APOB: variants seen among roughly 807,000 people sequenced by gnomAD.
The protein encoded by APOB is apolipoprotein B.
Under a neutral mutation model 314.1 loss-of-function variants are expected in APOB, and 153 were observed. The ratio of observed to expected loss-of-function variants is 0.49; its 90% CI spans 0.43 to 0.56. APOB has a LOEUF of 0.56. APOB is among the 20% of genes least tolerant of loss of function. The pLI is 0.00. For synonymous variants in APOB, 2,087 were observed against 2,036.4 expected, an observed-to-expected ratio of 1.02 and a Z score of -0.67; for missense variants, 5,430 against 5,350.7, an observed-to-expected ratio of 1.01 and a Z score of -0.46.
At position 21,004,541 on chromosome 2, in the gene APOB, A is replaced by G. The variant is rs1280735862; in HGVS notation, c.11903+20T>C. The G allele has an allele frequency of 1.2e-6, 2 of 1,612,836 alleles. No individual in the cohort carries two copies. The highest frequency in any genetic ancestry group is 1.7e-6 in the Non-Finnish European group (2 of 1,178,862). ...AGTTTTCAAAAGGTATAAGGTTTCA[A>G]TTCAATAAAAGCTCCATACTGAAGT... On this transcript the variant is annotated intron_variant, in intron 27 of 28. Transcript: ENST00000233242.
rs1282841880 is a variant in APOB at position 21,009,784 on chromosome 2, C to A, written c.7084G>T (p.Val2362Leu). ...QQIQVLMDKL[V>L]ELAHQYKLKE... ...AACTTGTATTGGTGGGCCAACTCTACTAATTTATCCATTAAAACCTGGATT... is the reference window on the plus strand; with the variant it reads ...AACTTGTATTGGTGGGCCAACTCTAATAATTTATCCATTAAAACCTGGATT... The change falls in exon 26 of 29, where the codon GTA becomes TTA. Residue 2362 changes from valine (V) to leucine (L), a missense_variant. Val to Leu is a conservative substitution (Grantham distance 32, BLOSUM62 1). Around this residue, in one of 3 missense-constraint regions of APOB, gnomAD observed 3,281 missense variants for 3,171.0 expected, o/e 1.03. Transcript: ENST00000233242. 6.2e-7 allele frequency: 1 copy of A among 1,613,878 alleles called. No individual in the cohort carries two copies. The highest frequency in any genetic ancestry group is 1.3e-5 in the African/African-American group (1 of 74,912).
At chr2:21,016,938 G>A (rs369018694) in intron 20 of APOB, among the ~76,000 whole-genome samples, 2 of 150,626 alleles carry the variant, frequency 1.3e-5, no homozygotes, top group Non-Finnish European at 2.9e-5. Flanking sequence ...GAGCCGAGAT[G>A]GCACCACTGC....
intron 18 of APOB, among the ~76,000 whole-genome samples, chr2:21,021,359 TC>T (rs1663601939): frequency 6.6e-6 from 1 of 152,234 alleles, no homozygotes; most frequent in African/African-American, 2.4e-5. Flanking sequence ...CAGGCCATTA[TC>T]AGCTCTTAGC....
intron 8 of APOB, 79 bp downstream of exon 8, chr2:21,034,736 CA>C: frequency 2.4e-6 from 2 of 836,606 alleles, no homozygotes; most frequent in Non-Finnish European, 4.3e-6. Context: ...AGACATTTAA[CA>C]GGGCTCAGCA....
At chr2:21,015,571 C>T (rs1663445880) in intron 21 of APOB, 26 bp from the exon 22 acceptor site, 1 of 1,607,626 alleles carries the variant, frequency 6.2e-7, no homozygotes, top group Non-Finnish European at 8.5e-7. Flanking sequence ...TCAGTTGGCA[C>T]CAATGATTTT....
Position 21,002,980 on chromosome 2 carries a change from C to T in APOB, c.12442G>A (p.Ala4148Thr), listed in dbSNP as rs1558559251. 6.3e-7 allele frequency: 1 copy of T among 1,593,922 alleles called. No homozygotes were observed. The highest frequency in any genetic ancestry group is 8.6e-7 in the Non-Finnish European group (1 of 1,168,630). The change falls in exon 29 of 29, where the codon GCC (alanine) becomes ACC (threonine). Residue 4148 changes from alanine to threonine, a missense_variant. Transcript: ENST00000233242. The stretch of plus-strand genomic sequence containing the variant: ...AACAGTTCCTGGTACAGATTCTGGG[C>T]CTTGTCCTTCCACTCTTGGTAGGTC... ...TGTYQEWKDK[A>T]QNLYQELLTQ...
chr2:21,027,004 C>A (rs1663746417), intron 14 of APOB, 40 bp from the exon 15 acceptor site: 1 of 1,604,704 alleles, frequency 6.2e-7, no homozygotes, highest in African/African-American at 1.3e-5. Context: ...CATCAGGTTT[C>A]TTTGTTGTAT....
Position 21,008,929 on chromosome 2 carries a change from T to G in APOB, c.7939A>C (p.Thr2647Pro), listed in dbSNP as rs748143305. 17 of 1,614,092 alleles carry G rather than the reference T, an allele frequency of 1.1e-5. No homozygotes were observed. The Middle Eastern group carries it at 4.9e-4, about 47-fold the overall frequency. The part of the protein sequence containing the change: ...KNIKIPSRFS[T>P]PEFTILNTFH... ...GTGTTAAGGATGGTAAATTCTGGTG[T>G]GGAAAACCTGGATGGGATTTTTATA... Residue 2647 changes from threonine (T) to proline (P), a missense_variant, in exon 26 of 29, where the codon ACA (threonine) becomes CCA (proline). Coordinates refer to ENST00000233242, the MANE Select transcript of APOB (RefSeq NM_000384.3).
In APOB at chr2:21,003,238, C is replaced by A; in HGVS notation, c.12184G>T (p.Ala4062Ser). Reference sequence around the variant, plus strand: ...AGAGAGGTTAGCAAGCCAGAAGCTGCCTCTTCTTCCCAATTAACTTTGATC... The same window carrying A: ...AGAGAGGTTAGCAAGCCAGAAGCTGACTCTTCTTCCCAATTAACTTTGATC... ...TQIKVNWEEE[A>S]ASGLLTSLKD... Residue 4062 changes from alanine (A) to serine (S), a missense_variant, in exon 29 of 29, where the codon GCA becomes TCA. Ala to Ser is a moderately conservative substitution (Grantham distance 99, BLOSUM62 1). Coordinates refer to ENST00000233242, the MANE Select transcript of APOB (RefSeq NM_000384.3). 6.2e-7 allele frequency: 1 copy of A among 1,613,968 alleles called. No homozygotes were observed. The highest frequency in any genetic ancestry group is 1.3e-5 in the African/African-American group (1 of 75,002).
chr2:21,009,903 A>C lies in APOB; in HGVS notation c.6965T>G (p.Ile2322Arg), dbSNP rs1558563854. 28 of 1,613,914 alleles carry C rather than the reference A, an allele frequency of 1.7e-5. No individual in the cohort carries two copies. In the East Asian group the frequency reaches 6.0e-4, roughly 35 times the overall value. The change falls in exon 26 of 29, where the codon ATA becomes AGA. Residue 2322 changes from isoleucine (I) to arginine (R), a missense_variant. Ile to Arg is a moderately conservative substitution (Grantham distance 97, BLOSUM62 -3). Around this residue, in one of 3 missense-constraint regions of APOB, gnomAD observed 3,281 missense variants for 3,171.0 expected, o/e 1.03. Transcript: ENST00000233242. ...DILEHVKHFV[I>R]NLIGDFEVAE... ...TACTTCAAAATCCCCAATAAGATTT[A>C]TAACAAAGTGTTTGACATGCTCAAG...
chr2:21,002,428 C>A lies in APOB; in HGVS notation c.12994G>T (p.Glu4332Ter), dbSNP rs1300424460. The change falls in exon 29 of 29, where the codon GAG becomes TAG. Residue 4332 changes from glutamate (E) to a stop codon, truncating the protein, a stop_gained. Transcript: ENST00000233242. LOFTEE classifies it low-confidence loss of function (END_TRUNC). Reference sequence around the variant, plus strand: ...TAATCACTGAAGATTGTGTTGATCTCATCTTGGATATAATTAATAAGATAA... The same window carrying A: ...TAATCACTGAAGATTGTGTTGATCTAATCTTGGATATAATTAATAAGATAA... ...FTYLINYIQD[E>*]INTIFSDYIP... 1 of 1,601,272 alleles carries A rather than the reference C, an allele frequency of 6.2e-7. No homozygotes were observed. Among genetic ancestry groups the A allele is most frequent in the African/African-American group, 1.3e-5 (1 of 74,324 alleles).
intron 16 of APOB, chr2:21,023,989 T>G (rs1266196583): frequency 4.1e-6 from 1 of 244,316 alleles, no homozygotes; most frequent in Non-Finnish European, 7.9e-6. Flanking sequence ...AAGTATCATA[T>G]ATGCCATGGC....
At chr2:21,022,212 T>TAA (rs1183468223) in intron 18 of APOB, among the ~76,000 whole-genome samples, 1 of 152,134 alleles carries the variant, frequency 6.6e-6, no homozygotes, top group Non-Finnish European at 1.5e-5. Flanking sequence ...AAGCGATCCA[T>TAA]CCACCTGGGG....
chr2:21,003,345 AG>A lies in APOB; in HGVS notation c.12088-12del. 2 of 1,606,010 alleles carry A rather than the reference AG, an allele frequency of 1.2e-6. No individual in the cohort carries two copies. ...TTTATCTGGAGAGGACTAAACAGAG[AG>A]AAAAAAAAAAATAACATGTTTTCAA... On this transcript the variant is annotated splice_polypyrimidine_tract_variant and intron_variant, in intron 28 of 28. Coordinates refer to ENST00000233242, the MANE Select transcript of APOB (RefSeq NM_000384.3).
In APOB at chr2:21,007,195, C is replaced by T. The variant is rs1406989883; in HGVS notation, c.9673G>A (p.Glu3225Lys). 7.4e-6 allele frequency: 12 copies of T among 1,613,668 alleles called. No individual in the cohort carries two copies. In the East Asian group the frequency reaches 2.5e-4, roughly 33 times the overall value. The change falls in exon 26 of 29, where the codon GAA becomes AAA. Residue 3225 changes from glutamate to lysine, a missense_variant. Glu to Lys is a moderately conservative substitution (Grantham distance 56). Around this residue, in one of 3 missense-constraint regions of APOB, gnomAD observed 3,281 missense variants for 3,171.0 expected, o/e 1.03. Coordinates refer to ENST00000233242, the MANE Select transcript of APOB (RefSeq NM_000384.3). ...ALDFVTKSYN[E>K]TKIKFDKYKA... ...TACTTATCAAACTTAATTTTTGTTT[C>T]ATTATAGGATTTGGTGACAAAATCT...
rs775295865 is a variant in APOB at position 21,034,824 on chromosome 2, A to C, written c.896T>G (p.Phe299Cys). ...EDTPKINSRF[F>C]GEGTKKMGLA... ...TGGACAGAAACTCTTACCTTCACCAAAGAAGCGGCTGTTGATCTTTGGTGT... is the reference window on the plus strand; with the variant it reads ...TGGACAGAAACTCTTACCTTCACCACAGAAGCGGCTGTTGATCTTTGGTGT... The change falls in exon 8 of 29, where the codon TTT becomes TGT. Residue 299 changes from phenylalanine (F) to cysteine (C), a missense_variant. Coordinates refer to ENST00000233242, the MANE Select transcript of APOB (RefSeq NM_000384.3). 6.3e-7 allele frequency: 1 copy of C among 1,589,220 alleles called. No homozygotes were observed. Among genetic ancestry groups the C allele is most frequent in the Non-Finnish European group, 8.6e-7 (1 of 1,157,304 alleles).
chr2:21,038,079 T>A lies in APOB; in HGVS notation c.416A>T (p.Lys139Met), dbSNP rs890047794. 1.2e-6 allele frequency: 2 copies of A among 1,614,182 alleles called. No individual in the cohort carries two copies. The highest frequency in any genetic ancestry group is 1.7e-6 in the Non-Finnish European group (2 of 1,180,022). The change falls in exon 5 of 29, where the codon AAG becomes ATG. Residue 139 changes from lysine to methionine, a missense_variant. Physicochemically the swap from Lys to Met is moderately conservative, Grantham distance 95. Coordinates refer to ENST00000233242, the MANE Select transcript of APOB (RefSeq NM_000384.3). Reference protein sequence around the residue: ...YELKLAIPEGKQVFLYPEKDE... With the variant: ...YELKLAIPEGMQVFLYPEKDE... ...TTTCTCCGGGTAAAGGAAAACCTGCTTCCCTTCTGGAATGGCCAGCTTGAG... is the reference window on the plus strand; with the variant it reads ...TTTCTCCGGGTAAAGGAAAACCTGCATCCCTTCTGGAATGGCCAGCTTGAG...
At chr2:21,024,764 A>G (rs781121240) in intron 16 of APOB, 169 bp downstream of exon 16, 26 of 747,926 alleles carry the variant, frequency 3.5e-5, no homozygotes, top group Non-Finnish European at 5.8e-5. Context: ...TAACATTTCC[A>G]TGTGATCCAA....
rs565409677 is a variant in APOB, at chr2:21,029,275, C to T, written c.1617+364G>A. The stretch of plus-strand genomic sequence containing the variant: ...GACCAGCCTGGCCAACATGGCAAAA[C>T]TCCATCTCTACTAAAAAATACAAAA... On this transcript the variant is annotated intron_variant, in intron 12 of 28. Coordinates refer to ENST00000233242, the MANE Select transcript of APOB (RefSeq NM_000384.3). Among the ~76,000 whole-genome samples the T allele has an allele frequency of 4.6e-5, 7 of 152,324 alleles. No individual in the cohort carries two copies. In the East Asian group the frequency reaches 1.4e-3, roughly 29 times the overall value.
Sources: allele counts gnomAD v4.1 joint callset (sites outside exome capture counted in the v4.1 genomes callset), GRCh38; gene constraint gnomAD v4.1.1; regional missense constraint gnomAD v4.1.1; transcripts MANE v1.5; gene names NCBI Gene and HGNC (gene_info 2026-07-23, HGNC 2026-07-21).